Variants in TMEFF2 observed in about 807,000 individuals in gnomAD.
TMEFF2 encodes the protein transmembrane protein with EGF like and two follistatin like domains 2.
A neutral mutation model predicts 53.8 loss-of-function variants in TMEFF2; 28 were observed. That is an observed-to-expected ratio of 0.52 (90% confidence interval 0.39 to 0.71). The LOEUF (loss-of-function observed/expected upper bound fraction) is 0.71. Ranked by LOEUF, TMEFF2 falls within the 30% of genes least tolerant of loss-of-function variation. The pLI, the probability that TMEFF2 is intolerant of heterozygous loss-of-function variation, is 0.00. For synonymous variants in TMEFF2, 162 were observed against 166.3 expected (o/e 0.97, Z 0.20); for missense variants, 353 against 455.2 (o/e 0.78, Z 2.04).
chr2:191,986,102 G>C (rs890484233), intron 7 of TMEFF2, among the ~76,000 whole-genome samples: 4 of 152,172 alleles, frequency 2.6e-5, no homozygotes, highest in African/African-American at 9.7e-5. Flanking sequence ...AATTGCCATT[G>C]AGTGTTTTAA....
chr2:191,951,121 TACAC>T (rs1553506316), intron 9 of TMEFF2, among the ~76,000 whole-genome samples: 2 of 152,032 alleles, frequency 1.3e-5, no homozygotes, highest in African/African-American at 2.4e-5. Flanking sequence ...TGAATATACA[TACAC>T]ATATATATCA....
At chr2:191,990,273 T>C (rs1036731971) in intron 7 of TMEFF2, among the ~76,000 whole-genome samples, 1 of 152,178 alleles carries the variant, frequency 6.6e-6, no homozygotes, top group Non-Finnish European at 1.5e-5. Context: ...ATTTTAAGAC[T>C]TTTTTAGTTG....
At position 192,133,859 on chromosome 2, in the gene TMEFF2, G is replaced by A. The variant is rs531613640; in HGVS notation, c.439+45809C>T. On this transcript the variant is annotated intron_variant, in intron 4 of 9. Coordinates refer to ENST00000272771, the MANE Select transcript of TMEFF2 (RefSeq NM_016192.4). ...TGTTACCTATCTCGGCATAATTCTC[G>A]TAAAAACACACGTGCTCTCCCTGCT... Among the ~76,000 whole-genome samples, 1,027 of 152,198 alleles carry A rather than the reference G, an allele frequency of 6.7e-3. 9 individuals carry two copies. Among genetic ancestry groups the A allele is most frequent in the African/African-American group, 0.024 (983 of 41,512 alleles).
chr2:192,172,196 C>A (rs925948942), intron 4 of TMEFF2, among the ~76,000 whole-genome samples: 1 of 126,092 alleles, frequency 7.9e-6, no homozygotes, highest in African/African-American at 2.9e-5. Flanking sequence ...ATATGGGCCA[C>A]GCTGTGTAGC....
intron 5 of TMEFF2, among the ~76,000 whole-genome samples, chr2:192,017,612 A>G (rs753538941): frequency 6.6e-6 from 1 of 151,982 alleles, no homozygotes; most frequent in African/African-American, 2.4e-5. Flanking sequence ...AGCCTGTTTA[A>G]TATCTCTTTT....
At chr2:192,182,805 A>T (rs1329892960) in intron 3 of TMEFF2, among the ~76,000 whole-genome samples, 1 of 151,632 alleles carries the variant, frequency 6.6e-6, no homozygotes, top group Admixed American at 6.6e-5. Flanking sequence ...GGTTCCTGGG[A>T]TTTTACTTTT....
intron 4 of TMEFF2, among the ~76,000 whole-genome samples, chr2:192,153,506 A>T (rs1465552851): frequency 6.6e-6 from 1 of 151,848 alleles, no homozygotes; most frequent in Non-Finnish European, 1.5e-5. Context: ...ACCAGGGTCA[A>T]CTTTACCCTG....
chr2:192,010,661 G>C (rs932444066), intron 5 of TMEFF2, among the ~76,000 whole-genome samples: 18 of 152,174 alleles, frequency 1.2e-4, no homozygotes, highest in Admixed American at 7.9e-4. Context: ...GATGATGCTT[G>C]TGATTACGGT....
At chr2:192,120,578 T>C (rs1442589590) in intron 4 of TMEFF2, among the ~76,000 whole-genome samples, 2 of 152,198 alleles carry the variant, frequency 1.3e-5, no homozygotes, top group Admixed American at 1.3e-4. Flanking sequence ...TGTGGAGACT[T>C]TCTCTTCCCA....
chr2:192,006,364 G>T lies in TMEFF2; in HGVS notation c.537-7156C>A, dbSNP rs563237997. Among the ~76,000 whole-genome samples the T allele has an allele frequency of 2.0e-5, 3 of 152,240 alleles. No homozygotes were observed. In the East Asian group the frequency reaches 5.8e-4, roughly 29 times the overall value. ...AGGAAAACTGAGCTGCGAAACTCTT[G>T]CCCTGGGTGGTCCCAGGACTTCCAA... On this transcript the variant is annotated intron_variant, in intron 5 of 9. Coordinates refer to ENST00000272771, the MANE Select transcript of TMEFF2 (RefSeq NM_016192.4).
At chr2:192,008,824 TG>T (rs1686562206) in intron 5 of TMEFF2, among the ~76,000 whole-genome samples, 1 of 152,334 alleles carries the variant, frequency 6.6e-6, no homozygotes, top group East Asian at 1.9e-4. Flanking sequence ...TTCATGTTTG[TG>T]TTTTACCAAC....
In TMEFF2 at chr2:192,153,450, C is replaced by T. The variant is rs530690705; in HGVS notation, c.439+26218G>A. Among the ~76,000 whole-genome samples the T allele has an allele frequency of 1.1e-4, 16 of 151,970 alleles. No homozygotes were observed. In the East Asian group the frequency reaches 2.9e-3, roughly 28 times the overall value. ...ATTCCCCAATTCTTACTTGTAGATGCATCTCCATTTTGTGCAGATTCACTG... is the reference window on the plus strand; with the variant it reads ...ATTCCCCAATTCTTACTTGTAGATGTATCTCCATTTTGTGCAGATTCACTG... On this transcript the variant is annotated intron_variant, in intron 4 of 9. Transcript: ENST00000272771.
chr2:191,978,410 G>C (rs1200343666), intron 7 of TMEFF2, among the ~76,000 whole-genome samples: 2 of 150,912 alleles, frequency 1.3e-5, no homozygotes, highest in Non-Finnish European at 2.9e-5. Context: ...TCATTGAAAA[G>C]TCATTTCAAA....
At chr2:192,134,482 CCT>C (rs1198167503) in intron 4 of TMEFF2, among the ~76,000 whole-genome samples, 1 of 152,208 alleles carries the variant, frequency 6.6e-6, no homozygotes, top group Non-Finnish European at 1.5e-5. Context: ...CCTCTTAGAA[CCT>C]CTCATTTCCT....
chr2:192,076,444 T>C (rs981890456), intron 4 of TMEFF2, among the ~76,000 whole-genome samples: 4 of 152,118 alleles, frequency 2.6e-5, no homozygotes, highest in African/African-American at 4.8e-5. Context: ...TAAAACTAGA[T>C]ATAATTTTTA....
At chr2:192,014,337 ACTAT>A (rs1298399258) in intron 5 of TMEFF2, among the ~76,000 whole-genome samples, 2 of 152,218 alleles carry the variant, frequency 1.3e-5, no homozygotes, top group South Asian at 2.1e-4. Context: ...TAGCCTTTTC[ACTAT>A]CTATATACAT....
intron 4 of TMEFF2, among the ~76,000 whole-genome samples, chr2:192,093,132 GC>G (rs1252556726): frequency 2.6e-5 from 4 of 152,082 alleles, no homozygotes; most frequent in Non-Finnish European, 5.9e-5. Flanking sequence ...TTCTCTTTTA[GC>G]TTTATTTGTA....
intron 4 of TMEFF2, among the ~76,000 whole-genome samples, chr2:192,107,951 G>GT (rs111256461): frequency 0.03 from 3,600 of 120,298 alleles, 105 homozygotes; most frequent in African/African-American, 0.077. Flanking sequence ...CAATATAACT[G>GT]TTTTTTTTTT....
At chr2:191,986,939 T>C (rs1685992177) in intron 7 of TMEFF2, among the ~76,000 whole-genome samples, 1 of 151,678 alleles carries the variant, frequency 6.6e-6, no homozygotes, top group South Asian at 2.1e-4. Context: ...TGGGATTTTG[T>C]CTCCTTTTGG....
Sources: gnomAD v4.1 joint callset for allele counts (sites outside exome capture counted in the v4.1 genomes callset) on GRCh38, gnomAD v4.1.1 for gene constraint, MANE v1.5 for transcripts, NCBI Gene and HGNC (gene_info 2026-07-23, HGNC 2026-07-21) for gene names.